IL12RB2: variants seen among roughly 807,000 people sequenced by gnomAD.
IL12RB2 encodes interleukin 12 receptor subunit beta 2.
A neutral mutation model predicts 89.4 loss-of-function variants in IL12RB2; 82 were observed. The observed-to-expected ratio is 0.92, with a 90% CI of 0.77 to 1.10. The LOEUF (loss-of-function observed/expected upper bound fraction) is 1.10, where lower values mean the gene tolerates loss of function less well. IL12RB2 is among the 50% of genes least tolerant of loss of function. IL12RB2 has a pLI of 0.00. For synonymous variants in IL12RB2, 368 were observed against 370.1 expected (o/e 0.99, Z 0.07); for missense variants, 963 against 1,031.9 (o/e 0.93, Z 0.92).
chr1:67,322,342 C>G (rs1344182004), intron 4 of IL12RB2, among the ~76,000 whole-genome samples: 1 of 151,834 alleles, frequency 6.6e-6, no homozygotes, highest in African/African-American at 2.4e-5. Flanking sequence ...CCATGCTCAC[C>G]CGGACCACTG....
At chr1:67,364,783 C>T (rs1662497662) in intron 10 of IL12RB2, among the ~76,000 whole-genome samples, 1 of 152,198 alleles carries the variant, frequency 6.6e-6, no homozygotes, top group South Asian at 2.1e-4. Flanking sequence ...CATAGTTGAA[C>T]TCAACAGCAT....
At chr1:67,392,107 C>T (rs1032895195) in intron 16 of IL12RB2, among the ~76,000 whole-genome samples, 1 of 152,088 alleles carries the variant, frequency 6.6e-6, no homozygotes, top group Non-Finnish European at 1.5e-5. Flanking sequence ...GATCTTTAAA[C>T]ACGGGGTGAG....
intron 8 of IL12RB2, among the ~76,000 whole-genome samples, chr1:67,332,746 T>C (rs569427887): frequency 1.3e-5 from 2 of 152,336 alleles, no homozygotes; most frequent in Middle Eastern, 3.4e-3. Context: ...ATATTTTATA[T>C]CCAAGTTCAA....
In IL12RB2 at chr1:67,395,818, G is replaced by C; in HGVS notation, c.2318G>C (p.Arg773Thr). ...LVDLYKVLESRGSDPKPENPA... is the reference protein window; with the variant it reads ...LVDLYKVLESTGSDPKPENPA... ...GATCTGTACAAGGTGCTGGAGAGCA[G>C]GGGCTCCGACCCAAAGCCCGAAAAC... The change falls in exon 17 of 17, where the codon AGG becomes ACG. Residue 773 changes from arginine to threonine, a missense_variant. By Grantham distance (71) the Arg-to-Thr change is moderately conservative. Transcript: ENST00000674203. The C allele has an allele frequency of 6.2e-7, 1 of 1,612,852 alleles. No individual in the cohort carries two copies. Among genetic ancestry groups the C allele is most frequent in the Non-Finnish European group, 8.5e-7 (1 of 1,179,026 alleles).
chr1:67,355,677 A>C (rs1466770809), intron 10 of IL12RB2, among the ~76,000 whole-genome samples: 2 of 152,224 alleles, frequency 1.3e-5, no homozygotes, highest in African/African-American at 4.8e-5. Flanking sequence ...CCCTTGGGTG[A>C]GCACTTTTTC....
chr1:67,348,162 C>G (rs1178340511), intron 9 of IL12RB2, among the ~76,000 whole-genome samples: 1 of 152,112 alleles, frequency 6.6e-6, no homozygotes, highest in African/African-American at 2.4e-5. Flanking sequence ...TCCTGTGACT[C>G]AGAACCTGCT....
intron 7 of IL12RB2, 109 bp downstream of exon 7, chr1:67,329,838 A>G: frequency 2.5e-6 from 2 of 809,034 alleles, no homozygotes; most frequent in Admixed American, 1.8e-5. Context: ...TATTTATCCC[A>G]AAAGTACACA....
At chr1:67,321,516 C>T (rs1304120873) in intron 3 of IL12RB2, 86 bp from the exon 4 acceptor site, 1 of 856,668 alleles carries the variant, frequency 1.2e-6, no homozygotes, top group Non-Finnish European at 2.0e-6. Context: ...GTTAATTTTA[C>T]CCTGTTTTGG....
intron 8 of IL12RB2, among the ~76,000 whole-genome samples, chr1:67,335,354 C>T (rs554377382): frequency 4.9e-4 from 75 of 152,256 alleles, no homozygotes; most frequent in African/African-American, 1.7e-3. Flanking sequence ...GATTCATCCA[C>T]TGGGACATCA....
chr1:67,386,274 C>T (rs75414815), intron 14 of IL12RB2, among the ~76,000 whole-genome samples: 6,956 of 150,056 alleles, frequency 0.046, 225 homozygotes, highest in Admixed American at 0.069. Context: ...CATCTGCTAG[C>T]GGCACAGCCA....
chr1:67,314,658 C>T (rs1352895065), intron 2 of IL12RB2, among the ~76,000 whole-genome samples: 1 of 152,182 alleles, frequency 6.6e-6, no homozygotes, highest in Admixed American at 6.5e-5. Context: ...ATGAGATTAT[C>T]ACCTGCGAAA....
Position 67,396,339 on chromosome 1 carries a change from C to A in IL12RB2, c.*250C>A, listed in dbSNP as rs882804. Reference sequence around the variant, plus strand: ...CACTGTGTGGACCTAGAGACTCCAACTTGAATTCCTAGTAACTTTCTTGGT... The same window carrying A: ...CACTGTGTGGACCTAGAGACTCCAAATTGAATTCCTAGTAACTTTCTTGGT... On this transcript the variant is annotated 3_prime_UTR_variant, in exon 17 of 17. Coordinates refer to ENST00000674203, the MANE Select transcript of IL12RB2 (RefSeq NM_001374259.2). 137 of 574,636 alleles carry A rather than the reference C, an allele frequency of 2.4e-4. No homozygotes were observed. Among genetic ancestry groups the A allele is most frequent in the African/African-American group, 2.3e-3 (124 of 53,550 alleles). The allele number at this position is 574,636 out of a possible 1,614,324, so 35.6% of individuals were successfully genotyped here.
chr1:67,368,502 TATTA>T (rs1478191353), intron 11 of IL12RB2, among the ~76,000 whole-genome samples: 2 of 152,246 alleles, frequency 1.3e-5, no homozygotes, highest in African/African-American at 4.8e-5. Context: ...TTCTGTTACT[TATTA>T]ATTGTGTAAT....
intron 10 of IL12RB2, among the ~76,000 whole-genome samples, chr1:67,361,999 G>A (rs534098369): frequency 1.6e-4 from 25 of 152,320 alleles, no homozygotes; most frequent in South Asian, 6.2e-4. Context: ...GGCCTGGCGC[G>A]GTGGCTCACG....
chr1:67,319,034 G>A (rs1656152164), intron 2 of IL12RB2, among the ~76,000 whole-genome samples: 1 of 152,170 alleles, frequency 6.6e-6, no homozygotes, highest in African/African-American at 2.4e-5. Flanking sequence ...GGAAACAAAG[G>A]GCGCTTTCCT....
intron 13 of IL12RB2, among the ~76,000 whole-genome samples, chr1:67,375,928 G>A (rs57119135): frequency 6.7e-6 from 1 of 149,418 alleles, no homozygotes; most frequent in Non-Finnish European, 1.5e-5. Flanking sequence ...CTCACTGCAA[G>A]CTCTGCCTCC....
chr1:67,370,038 A>G (rs1663129093), intron 11 of IL12RB2, among the ~76,000 whole-genome samples: 1 of 148,464 alleles, frequency 6.7e-6, no homozygotes, highest in African/African-American at 2.5e-5. Context: ...AAAAAAAAAC[A>G]ATATACTAAT....
At chr1:67,351,459 T>A (rs192060070) in intron 10 of IL12RB2, among the ~76,000 whole-genome samples, 1 of 152,184 alleles carries the variant, frequency 6.6e-6, no homozygotes, top group Admixed American at 6.5e-5. Context: ...GAGAAATACG[T>A]GTTATGTTTC....
intron 11 of IL12RB2, among the ~76,000 whole-genome samples, chr1:67,372,007 T>A (rs1221349961): frequency 6.6e-6 from 1 of 151,648 alleles, no homozygotes; most frequent in East Asian, 1.9e-4. Context: ...TTTGTAGGAA[T>A]CAAAAGGTTT....
Sources: gnomAD v4.1 joint callset for allele counts (sites outside exome capture counted in the v4.1 genomes callset) on GRCh38, gnomAD v4.1.1 for gene constraint, MANE v1.5 for transcripts, NCBI Gene and HGNC (gene_info 2026-07-23, HGNC 2026-07-21) for gene names.